The following BBS9 variants were observed in gnomAD, a reference collection of about 807,000 sequenced individuals.
The protein encoded by BBS9 is protein PTHB1.
Under a neutral mutation model 117.7 loss-of-function variants are expected in BBS9, and 89 were observed. That is an observed-to-expected ratio of 0.76 (90% confidence interval 0.64 to 0.90). The LOEUF (loss-of-function observed/expected upper bound fraction) is 0.90, where lower values mean the gene tolerates loss of function less well. Ranked by LOEUF, BBS9 falls within the 40% of genes least tolerant of loss-of-function variation. The pLI, the probability that BBS9 is intolerant of heterozygous loss-of-function variation, is 0.00. For missense variants in BBS9, 982 were observed against 1,042.2 expected, an observed-to-expected ratio of 0.94 and a Z score of 0.80; for synonymous variants, 379 against 370.9, an observed-to-expected ratio of 1.02 and a Z score of -0.25.
chr7:33,428,689 T>C (rs1833983963), intron 19 of BBS9, among the ~76,000 whole-genome samples: 1 of 152,162 alleles, frequency 6.6e-6, no homozygotes, highest in South Asian at 2.1e-4. Flanking sequence ...ATACTTAAAC[T>C]TTGCTTTCCT....
chr7:33,366,185 A>G (rs78390703), intron 16 of BBS9, among the ~76,000 whole-genome samples: 10,431 of 152,208 alleles, frequency 0.069, 406 homozygotes, highest in African/African-American at 0.08. Flanking sequence ...GGAAATGGCT[A>G]TTGGTTACCT....
chr7:33,492,058 C>G (rs946090685), intron 19 of BBS9, among the ~76,000 whole-genome samples: 4 of 151,628 alleles, frequency 2.6e-5, no homozygotes, highest in Non-Finnish European at 5.9e-5. Flanking sequence ...AAAAAATTAG[C>G]TGGGCGTGGT....
intron 19 of BBS9, among the ~76,000 whole-genome samples, chr7:33,444,646 C>G (rs911905052): frequency 6.6e-6 from 1 of 152,146 alleles, no homozygotes; most frequent in Non-Finnish European, 1.5e-5. Context: ...GTCTTGGCTC[C>G]AAAGAACGTG....
chr7:33,534,311 C>A, intron 21 of BBS9, 135 bp downstream of exon 21: 1 of 916,378 alleles, frequency 1.1e-6, no homozygotes, highest in Non-Finnish European at 1.7e-6. Context: ...CACGTTTCCC[C>A]TCTGACATCC....
At chr7:33,332,201 A>G (rs1814230504) in intron 9 of BBS9, among the ~76,000 whole-genome samples, 1 of 151,486 alleles carries the variant, frequency 6.6e-6, no homozygotes, top group African/African-American at 2.4e-5. Context: ...AAATTCAGTA[A>G]AAGACACCCT....
At chr7:33,182,587 T>C (rs997478962) in intron 5 of BBS9, among the ~76,000 whole-genome samples, 9 of 152,246 alleles carry the variant, frequency 5.9e-5, no homozygotes, top group Non-Finnish European at 1.2e-4. Context: ...GCTGTGTTTT[T>C]ATTTCCCAAA....
At chr7:33,431,044 A>G (rs995642428) in intron 19 of BBS9, among the ~76,000 whole-genome samples, 41 of 151,624 alleles carry the variant, frequency 2.7e-4, no homozygotes, top group African/African-American at 8.7e-4. Context: ...AAAAAAAAAA[A>G]CTTAGACAGG....
chr7:33,532,933 C>G (rs914301518), intron 20 of BBS9, among the ~76,000 whole-genome samples: 1 of 152,282 alleles, frequency 6.6e-6, no homozygotes, highest in Admixed American at 6.5e-5. Flanking sequence ...CCATGGTGCT[C>G]TAGGCCTTAC....
At chr7:33,518,306 A>G (rs1239348641) in intron 20 of BBS9, among the ~76,000 whole-genome samples, 2 of 129,378 alleles carry the variant, frequency 1.5e-5, no homozygotes, top group Admixed American at 2.0e-4. Context: ...GCTGGAGTGC[A>G]CTGGCACAAT....
intron 19 of BBS9, among the ~76,000 whole-genome samples, chr7:33,428,099 A>G (rs924829222): frequency 6.6e-6 from 1 of 152,156 alleles, no homozygotes; most frequent in African/African-American, 2.4e-5. Flanking sequence ...TATAATCCAA[A>G]CTAGACATTT....
At chr7:33,472,438 C>A (rs188659810) in intron 19 of BBS9, among the ~76,000 whole-genome samples, 1 of 152,132 alleles carries the variant, frequency 6.6e-6, no homozygotes, top group Non-Finnish European at 1.5e-5. Flanking sequence ...GAGAAAATAT[C>A]TCTCAGAGAA....
At chr7:33,338,392 G>A (rs1815818710) in intron 10 of BBS9, among the ~76,000 whole-genome samples, 1 of 152,046 alleles carries the variant, frequency 6.6e-6, no homozygotes, top group Admixed American at 6.6e-5. Context: ...TCTTTATTAT[G>A]AGAAGTTAAA....
chr7:33,330,477 G>A (rs1031256711), intron 9 of BBS9, among the ~76,000 whole-genome samples: 1 of 152,172 alleles, frequency 6.6e-6, no homozygotes, highest in Non-Finnish European at 1.5e-5. Flanking sequence ...AAATTTTAAT[G>A]TAGTTTAATT....
At chr7:33,360,937 A>G (rs567389573) in intron 16 of BBS9, among the ~76,000 whole-genome samples, 12 of 152,226 alleles carry the variant, frequency 7.9e-5, no homozygotes, top group Non-Finnish European at 1.2e-4. Context: ...TTTGTAATCT[A>G]CCATCTTTAG....
intron 20 of BBS9, among the ~76,000 whole-genome samples, chr7:33,517,120 T>C (rs1343196297): frequency 3.3e-5 from 5 of 152,266 alleles, no homozygotes; most frequent in African/African-American, 4.8e-5. Context: ...TAGATTTCTC[T>C]ATTTTGTAAA....
At chr7:33,590,439 G>GTTTTTTTT (rs1554551610) in intron 21 of BBS9, among the ~76,000 whole-genome samples, 2 of 77,140 alleles carry the variant, frequency 2.6e-5, no homozygotes, top group African/African-American at 1.1e-4. Flanking sequence ...ACTGGCCACT[G>GTTTTTTTT]TTTGTTTTTT....
At chr7:33,138,115 T>C (rs770673711) in intron 1 of BBS9, among the ~76,000 whole-genome samples, 25 of 152,174 alleles carry the variant, frequency 1.6e-4, no homozygotes, top group Admixed American at 1.1e-3. Context: ...TGCAGATTAT[T>C]GGCAGCCTAA....
chr7:33,511,497 T>C (rs1846960111), intron 20 of BBS9, among the ~76,000 whole-genome samples: 1 of 152,156 alleles, frequency 6.6e-6, no homozygotes, highest in African/African-American at 2.4e-5. Flanking sequence ...TATGCCTGTT[T>C]CTTTTCTTTT....
intron 19 of BBS9, among the ~76,000 whole-genome samples, chr7:33,486,846 T>C (rs1368632868): frequency 6.6e-6 from 1 of 152,204 alleles, no homozygotes. Flanking sequence ...TTTTTTCTAA[T>C]TCTCTACAGC....
Sources: allele counts gnomAD v4.1 joint callset (sites outside exome capture counted in the v4.1 genomes callset), GRCh38; gene constraint gnomAD v4.1.1; transcripts MANE v1.5; gene names NCBI Gene and HGNC (gene_info 2026-07-23, HGNC 2026-07-21).